The following NAALADL2 variants were observed in gnomAD, a reference collection of about 807,000 sequenced individuals.
NAALADL2 encodes the protein N-acetylated alpha-linked acidic dipeptidase like 2.
A neutral mutation model predicts 87.2 loss-of-function variants in NAALADL2; 76 were observed. The observed-to-expected ratio is 0.87, with a 90% CI of 0.72 to 1.05. NAALADL2 has a LOEUF of 1.05. NAALADL2 is among the 50% of genes least tolerant of loss of function. The probability of loss-of-function intolerance (pLI) is 0.00; values close to 1 mark genes in which losing one functional copy is unlikely to be tolerated. For synonymous variants in NAALADL2, 354 were observed against 331.0 expected (o/e 1.07, Z -0.75); for missense variants, 1,089 against 945.8 (o/e 1.15, Z -1.99).
intron 2 of NAALADL2, among the ~76,000 whole-genome samples, chr3:175,144,880 C>T (rs879349763): frequency 2.6e-5 from 4 of 151,934 alleles, no homozygotes; most frequent in African/African-American, 4.8e-5. Context: ...TACAAGATTA[C>T]GGCATTTCAA....
At chr3:174,735,006 C>T (rs6809168) in intron 2 of NAALADL2, among the ~76,000 whole-genome samples, 32,937 of 151,720 alleles carry the variant, frequency 0.22, 3,913 homozygotes, top group East Asian at 0.38. Flanking sequence ...AAGTTAATCT[C>T]GATAGAAGGA....
At chr3:174,571,357 T>A (rs545249349) in intron 2 of NAALADL2, among the ~76,000 whole-genome samples, 1 of 152,168 alleles carries the variant, frequency 6.6e-6, no homozygotes, top group African/African-American at 2.4e-5. Flanking sequence ...TAGATCAAAT[T>A]CACTAATGCA....
chr3:174,635,206 T>A (rs1722509341), intron 2 of NAALADL2, among the ~76,000 whole-genome samples: 1 of 152,204 alleles, frequency 6.6e-6, no homozygotes, highest in African/African-American at 2.4e-5. Context: ...ATCAGGTATA[T>A]ATTCATTGGC....
chr3:175,312,361 G>A (rs559356236), intron 4 of NAALADL2, among the ~76,000 whole-genome samples: 2 of 151,422 alleles, frequency 1.3e-5, no homozygotes, highest in African/African-American at 4.9e-5. Context: ...GTTACTATAC[G>A]TATGAAATTT....
At chr3:174,470,540 A>C (rs1051443994) in intron 1 of NAALADL2, among the ~76,000 whole-genome samples, 4 of 151,984 alleles carry the variant, frequency 2.6e-5, no homozygotes, top group Admixed American at 2.0e-4. Flanking sequence ...CTTAGTCATA[A>C]ATTCTTTGAC....
chr3:174,706,580 G>T (rs564884160), intron 2 of NAALADL2, among the ~76,000 whole-genome samples: 34 of 152,290 alleles, frequency 2.2e-4, no homozygotes, highest in African/African-American at 8.2e-4. Context: ...CTCCTATTCT[G>T]TAGGTTGCCT....
At chr3:175,716,083 C>T (rs1034212651) in intron 11 of NAALADL2, among the ~76,000 whole-genome samples, 1 of 147,798 alleles carries the variant, frequency 6.8e-6, no homozygotes, top group Admixed American at 6.8e-5. Context: ...TAATATGTTA[C>T]ATATATCATA....
chr3:174,801,622 C>A (rs942563668), intron 3 of NAALADL2, among the ~76,000 whole-genome samples: 5 of 152,066 alleles, frequency 3.3e-5, no homozygotes, highest in African/African-American at 1.2e-4. Flanking sequence ...GTGATATTAG[C>A]CATTTTATTC....
intron 1 of NAALADL2, among the ~76,000 whole-genome samples, chr3:175,003,343 C>A (rs1748498787): frequency 6.6e-6 from 1 of 151,636 alleles, no homozygotes; most frequent in South Asian, 2.1e-4. Context: ...TGTGGTGAGA[C>A]CATGTCTCTA....
intron 1 of NAALADL2, among the ~76,000 whole-genome samples, chr3:174,972,996 C>CA (rs368649970): frequency 0.6 from 76,543 of 127,614 alleles, 21,992 homozygotes; most frequent in Non-Finnish European, 0.65. Flanking sequence ...AACTCTGTCT[C>CA]AAAAAAAAAA....
rs554932492 is a variant in NAALADL2, at chr3:175,091,471, T to C, written c.44-5319T>C. Among the ~76,000 whole-genome samples, 39 of 152,210 alleles carry C rather than the reference T, an allele frequency of 2.6e-4. 1 individual carries two copies. The highest frequency in any genetic ancestry group is 7.9e-4 in the African/African-American group (33 of 41,568). ...GCCTTACGTTTTAAAGCTAATCTGCTACAGTCATTCATTTATTTTACTTGT... is the reference window on the plus strand; with the variant it reads ...GCCTTACGTTTTAAAGCTAATCTGCCACAGTCATTCATTTATTTTACTTGT... On this transcript the variant is annotated intron_variant, in intron 1 of 13. Coordinates refer to ENST00000454872, the MANE Select transcript of NAALADL2 (RefSeq NM_207015.3).
intron 11 of NAALADL2, among the ~76,000 whole-genome samples, chr3:175,711,269 G>C (rs1382004176): frequency 7.2e-5 from 11 of 151,756 alleles, no homozygotes; most frequent in Admixed American, 5.9e-4. Context: ...GGTATGATTA[G>C]AAAATGCAAT....
At chr3:175,273,726 G>A (rs1753181089) in intron 4 of NAALADL2, among the ~76,000 whole-genome samples, 2 of 146,094 alleles carry the variant, frequency 1.4e-5, no homozygotes, top group South Asian at 4.3e-4. Flanking sequence ...GCATGTGTGT[G>A]TGTGTGCGTG....
intron 1 of NAALADL2, among the ~76,000 whole-genome samples, chr3:174,947,252 G>A (rs1437727255): frequency 4.6e-5 from 7 of 152,104 alleles, no homozygotes; most frequent in Non-Finnish European, 1.0e-4. Flanking sequence ...AATGCAACAT[G>A]AGTGGGTTTT....
chr3:175,099,464 T>C (rs1234159642), intron 2 of NAALADL2, among the ~76,000 whole-genome samples: 1 of 152,202 alleles, frequency 6.6e-6, no homozygotes, highest in Non-Finnish European at 1.5e-5. Flanking sequence ...AAAACAATTG[T>C]ATTTTTGGTA....
chr3:174,487,323 GT>G (rs1171723484), intron 1 of NAALADL2, among the ~76,000 whole-genome samples: 1 of 151,966 alleles, frequency 6.6e-6, no homozygotes, highest in East Asian at 1.9e-4. Flanking sequence ...ATACATCACT[GT>G]ACTTATTTGA....
intron 11 of NAALADL2, among the ~76,000 whole-genome samples, chr3:175,723,850 C>T (rs1250079457): frequency 1.3e-5 from 2 of 152,020 alleles, no homozygotes; most frequent in African/African-American, 4.8e-5. Flanking sequence ...AAGAGAGCTG[C>T]CCTTAATTCT....
At chr3:175,327,506 A>T (rs1190598994) in intron 5 of NAALADL2, among the ~76,000 whole-genome samples, 1 of 152,102 alleles carries the variant, frequency 6.6e-6, no homozygotes, top group Non-Finnish European at 1.5e-5. Flanking sequence ...ACGTTCCCAC[A>T]ACACCAGTAT....
rs376539567 is a variant in NAALADL2 at position 175,361,226 on chromosome 3, A to G, written c.1090+36901A>G. Among the ~76,000 whole-genome samples the G allele has an allele frequency of 3.3e-5, 5 of 151,842 alleles. No homozygotes were observed. In the East Asian group the frequency reaches 5.8e-4, roughly 18 times the overall value. On this transcript the variant is annotated intron_variant, in intron 5 of 13. Transcript: ENST00000454872. ...CCTTTTTATGGCTGCATAGTATTCC[A>G]TGGTGTATATGTGCCACATTTTCTT...
Sources: allele counts gnomAD v4.1 joint callset (sites outside exome capture counted in the v4.1 genomes callset), GRCh38; gene constraint gnomAD v4.1.1; transcripts MANE v1.5; gene names NCBI Gene and HGNC (gene_info 2026-07-23, HGNC 2026-07-21).